DTNB: variants seen among roughly 807,000 people sequenced by gnomAD.
DTNB encodes the protein DTN-B.
DTNB carries 63 observed loss-of-function variants against 90.7 expected under a neutral mutation model. The observed-to-expected ratio is 0.69, with a 90% CI of 0.57 to 0.86. The LOEUF is 0.86. DTNB is among the 40% of genes least tolerant of loss of function. DTNB has a pLI of 0.00. For synonymous variants in DTNB, 277 were observed against 286.7 expected, an observed-to-expected ratio of 0.97 and a Z score of 0.34; for missense variants, 744 against 807.1, an observed-to-expected ratio of 0.92 and a Z score of 0.95.
chr2:25,666,582 T>A (rs984167469), intron 1 of DTNB, among the ~76,000 whole-genome samples: 2 of 152,210 alleles, frequency 1.3e-5, no homozygotes, highest in Non-Finnish European at 2.9e-5. Flanking sequence ...TTCTAGAAAG[T>A]GGCCAGTAAG....
Position 25,576,834 on chromosome 2 carries a change from T to TTACC in DTNB, c.876_876+3dup. 6.2e-7 allele frequency: 1 copy of TTACC among 1,609,728 alleles called. No homozygotes were observed. The highest frequency in any genetic ancestry group is 8.5e-7 in the Non-Finnish European group (1 of 1,177,856). ...GGGACACAGATGAAACACAAAGCAG[T>TTACC]TACCCAAGAGGAATGCTCCTTCATC... On this transcript the variant is annotated splice_donor_region_variant and intron_variant, in intron 8 of 20. Coordinates refer to ENST00000406818, the MANE Select transcript of DTNB (RefSeq NM_021907.5).
chr2:25,425,449 G>A (rs930306516), intron 15 of DTNB, among the ~76,000 whole-genome samples: 5 of 152,204 alleles, frequency 3.3e-5, no homozygotes, highest in African/African-American at 1.2e-4. Flanking sequence ...GAATGCAGAA[G>A]TTGGAGAAAG....
intron 12 of DTNB, among the ~76,000 whole-genome samples, chr2:25,438,535 T>G (rs957471906): frequency 3.9e-5 from 6 of 152,124 alleles, no homozygotes; most frequent in African/African-American, 1.4e-4. Flanking sequence ...AATATGAAAT[T>G]TGATTATATG....
chr2:25,511,198 AT>A (rs1479424231), intron 9 of DTNB, among the ~76,000 whole-genome samples: 1 of 152,048 alleles, frequency 6.6e-6, no homozygotes, highest in Non-Finnish European at 1.5e-5. Context: ...AACACAAAAG[AT>A]TTTCTTAAAA....
At chr2:25,550,246 C>T (rs1269238197) in intron 8 of DTNB, among the ~76,000 whole-genome samples, 1 of 152,010 alleles carries the variant, frequency 6.6e-6, no homozygotes, top group African/African-American at 2.4e-5. Flanking sequence ...AAAAAATAAG[C>T]CAGGCGTGGT....
At chr2:25,457,281 A>G (rs2060195921) in intron 10 of DTNB, among the ~76,000 whole-genome samples, 1 of 152,186 alleles carries the variant, frequency 6.6e-6, no homozygotes, top group Non-Finnish European at 1.5e-5. Context: ...GTGTGCTGAG[A>G]ATACAGGTGT....
intron 8 of DTNB, among the ~76,000 whole-genome samples, chr2:25,565,460 G>A (rs114680197): frequency 1.6e-3 from 238 of 152,152 alleles, no homozygotes; most frequent in Non-Finnish European, 2.2e-3. Context: ...ATGTTGCTCA[G>A]GCTGGTCTCG....
chr2:25,613,075 A>T (rs2069086264), intron 4 of DTNB, among the ~76,000 whole-genome samples: 1 of 152,182 alleles, frequency 6.6e-6, no homozygotes, highest in Non-Finnish European at 1.5e-5. Flanking sequence ...TAAGGTCAGT[A>T]TTATTCTTTT....
intron 9 of DTNB, among the ~76,000 whole-genome samples, chr2:25,523,349 G>A (rs2076479702): frequency 6.6e-6 from 1 of 152,150 alleles, no homozygotes. Flanking sequence ...GTTAAGAATT[G>A]CTATTCATGG....
chr2:25,508,735 T>C (rs1282897231), intron 9 of DTNB, among the ~76,000 whole-genome samples: 1 of 152,130 alleles, frequency 6.6e-6, no homozygotes, highest in African/African-American at 2.4e-5. Context: ...GGTTTCTCCA[T>C]GTTGGTCAGG....
chr2:25,660,527 ACT>A (rs2082945385), intron 1 of DTNB, among the ~76,000 whole-genome samples: 1 of 152,128 alleles, frequency 6.6e-6, no homozygotes, highest in Admixed American at 6.5e-5. Context: ...TGGTTGCACA[ACT>A]CTAGAAATAT....
intron 11 of DTNB, among the ~76,000 whole-genome samples, chr2:25,454,849 A>G (rs764022842): frequency 4.6e-5 from 7 of 152,286 alleles, no homozygotes; most frequent in African/African-American, 9.6e-5. Context: ...GAGGGTCTAC[A>G]TAATTTGGAA....
In DTNB at chr2:25,415,528, T is replaced by A. The variant is rs72849883; in HGVS notation, c.1575+3987A>T. Reference sequence around the variant, plus strand: ...GCGTGTCTTTTGCATGCTAATGAGATGACCGGGCTTCGGGAATCTTGGATA... The same window carrying A: ...GCGTGTCTTTTGCATGCTAATGAGAAGACCGGGCTTCGGGAATCTTGGATA... On this transcript the variant is annotated intron_variant, in intron 16 of 20. Transcript: ENST00000406818. Among the ~76,000 whole-genome samples the A allele has an allele frequency of 2.8e-3, 433 of 152,238 alleles. 2 individuals carry two copies. The highest frequency in any genetic ancestry group is 9.9e-3 in the African/African-American group (413 of 41,548).
At chr2:25,410,232 G>A (rs1174814756) in intron 16 of DTNB, among the ~76,000 whole-genome samples, 4 of 152,170 alleles carry the variant, frequency 2.6e-5, no homozygotes, top group Non-Finnish European at 4.4e-5. Flanking sequence ...TATGCTGTGT[G>A]CATTCTGGTC....
intron 1 of DTNB, among the ~76,000 whole-genome samples, chr2:25,667,270 C>T (rs2084675736): frequency 1.3e-5 from 2 of 152,064 alleles, no homozygotes; most frequent in East Asian, 3.9e-4. Context: ...AGGCGAATCA[C>T]TTGAGGTCAG....
At chr2:25,383,657 C>A in intron 19 of DTNB, 179 bp downstream of exon 19, 2 of 1,370,376 alleles carry the variant, frequency 1.5e-6, no homozygotes, top group Non-Finnish European at 2.0e-6. Flanking sequence ...ATCGACTGAC[C>A]TTGTCACCTG....
chr2:25,622,136 A>G (rs2072888966), intron 4 of DTNB, among the ~76,000 whole-genome samples: 1 of 152,142 alleles, frequency 6.6e-6, no homozygotes, highest in South Asian at 2.1e-4. Context: ...ACATAAATGG[A>G]TGAAATATAT....
At chr2:25,449,823 C>T (rs13397493) in intron 12 of DTNB, among the ~76,000 whole-genome samples, 35,749 of 148,070 alleles carry the variant, frequency 0.24, 6,152 homozygotes, top group East Asian at 0.64. Flanking sequence ...AGTACAGTGG[C>T]GTGATCTTGG....
intron 9 of DTNB, among the ~76,000 whole-genome samples, chr2:25,523,488 A>G (rs530027864): frequency 2.6e-5 from 4 of 152,164 alleles, no homozygotes; most frequent in African/African-American, 9.6e-5. Flanking sequence ...AAAAATACAA[A>G]AAGTTAGCCA....
Sources: allele counts gnomAD v4.1 joint callset (sites outside exome capture counted in the v4.1 genomes callset), GRCh38; gene constraint gnomAD v4.1.1; transcripts MANE v1.5; gene names NCBI Gene and HGNC (gene_info 2026-07-23, HGNC 2026-07-21).